The following LOXL3 variants were observed in gnomAD, a reference collection of about 807,000 sequenced individuals.
LOXL3 encodes lysyl oxidase like 3.
Under a neutral mutation model 91.8 loss-of-function variants are expected in LOXL3, and 60 were observed. The observed-to-expected ratio is 0.65, with a 90% CI of 0.53 to 0.81. The LOEUF (loss-of-function observed/expected upper bound fraction) is 0.81, where lower values mean the gene tolerates loss of function less well. Ranked by LOEUF, LOXL3 falls within the 30% of genes least tolerant of loss-of-function variation. The pLI is 0.00. For synonymous variants in LOXL3, 355 were observed against 387.6 expected, an observed-to-expected ratio of 0.92 and a Z score of 0.99; for missense variants, 874 against 1,000.4, an observed-to-expected ratio of 0.87 and a Z score of 1.70.
At chr2:74,553,672 C>T (rs1448855107) in intron 1 of LOXL3, among the ~76,000 whole-genome samples, 1 of 152,176 alleles carries the variant, frequency 6.6e-6, no homozygotes, top group Non-Finnish European at 1.5e-5. Flanking sequence ...GCGCTCCTGG[C>T]GGCCCTGTTC....
chr2:74,554,514 C>T, upstream of LOXL3: 1 of 568,696 alleles, frequency 1.8e-6, no homozygotes, highest in African/African-American at 1.9e-5. This position sits in a 1 kb window ranked among gnomAD's most constrained non-coding sequence, Gnocchi z 4.9. Flanking sequence ...CGAGGACTTT[C>T]GGTGGAGCCA....
chr2:74,542,656 C>T (rs1227774101), intron 4 of LOXL3, among the ~76,000 whole-genome samples: 1 of 148,710 alleles, frequency 6.7e-6, no homozygotes, highest in Admixed American at 6.7e-5. Context: ...GACAGAGTCT[C>T]GATCTGTCAC....
rs767164266 is a variant in LOXL3, at chr2:74,549,563, C to T, written c.498G>A (p.Val166=). The T allele has an allele frequency of 1.2e-6, 2 of 1,610,316 alleles. No homozygotes were observed. Among genetic ancestry groups the T allele is most frequent in the Non-Finnish European group, 1.7e-6 (2 of 1,177,404 alleles). The change falls in exon 4 of 14, where the codon GTG becomes GTA. Residue 166 remains valine, a synonymous_variant. Transcript: ENST00000264094. The surrounding 1 kb of genome is among the most constrained non-coding windows in gnomAD (Gnocchi z 5.3). Reference sequence around the variant, plus strand: ...CGGCGGGTCGAATTCGCACCTCCTCCACTTGCAGGTGATGCTCTACCTGGG... The same window carrying T: ...CGGCGGGTCGAATTCGCACCTCCTCTACTTGCAGGTGATGCTCTACCTGGG... ...NVIEVEHHLQ[V]EEVRIRPAVG...
chr2:74,541,830 A>T (rs1328579532), intron 4 of LOXL3, among the ~76,000 whole-genome samples: 1 of 150,422 alleles, frequency 6.6e-6, no homozygotes, highest in Non-Finnish European at 1.5e-5. Flanking sequence ...AAGAGTTTAG[A>T]CCCTTTTATC....
chr2:74,549,852 C>CA lies in LOXL3; in HGVS notation c.478-270dup. 1.0e-6 allele frequency: 1 copy of CA among 985,270 alleles called. No individual in the cohort carries two copies. The highest frequency in any genetic ancestry group is 1.2e-6 in the Non-Finnish European group (1 of 829,894). The allele number at this position is 985,270 out of a possible 1,614,324, so 61.0% of individuals were successfully genotyped here. On this transcript the variant is annotated intron_variant, in intron 3 of 13. Transcript: ENST00000264094. The surrounding 1 kb of genome is among the most constrained non-coding windows in gnomAD (Gnocchi z 5.3). ...GTGCCTGGAGCAGGAGGGAGCACTT[C>CA]AAAAAGGAAATGGCTTTGAAGGAGG...
In LOXL3 at chr2:74,550,365, G is replaced by A. The variant is rs1676926927; in HGVS notation, c.314-17C>T. On this transcript the variant is annotated splice_polypyrimidine_tract_variant and intron_variant, in intron 2 of 13. Coordinates refer to ENST00000264094, the MANE Select transcript of LOXL3 (RefSeq NM_032603.5). ...AGATGCGGCCTGTGGAAGGGGAGAT[G>A]AAGGGACAGAGAAGCTTGGGGAGGG... 1.2e-6 allele frequency: 2 copies of A among 1,610,734 alleles called. No individual in the cohort carries two copies. The highest frequency in any genetic ancestry group is 1.7e-6 in the Non-Finnish European group (2 of 1,178,112).
chr2:74,555,466 G>A (rs775222572), upstream of LOXL3: 90 of 1,607,686 alleles, frequency 5.6e-5, no homozygotes, highest in Non-Finnish European at 6.7e-5. The surrounding 1 kb of genome is among the most constrained non-coding windows in gnomAD (Gnocchi z 6.1). Context: ...GAGGAGCTGC[G>A]GCGATGCGGG....
rs201698335 is a variant in LOXL3, at chr2:74,543,556, T to C, written c.692+5813A>G. 1.2e-4 allele frequency among the ~76,000 whole-genome samples: 19 copies of C among 152,180 alleles called. No individual in the cohort carries two copies. The East Asian group carries it at 3.7e-3, about 29-fold the overall frequency. ...CTTCTAAATATCTCTCCAATCCATA[T>C]CTTTTGCTCCTCTCCTGATTATTCT... is the stretch of plus-strand genomic sequence containing the variant. On this transcript the variant is annotated intron_variant, in intron 4 of 13. Coordinates refer to ENST00000264094, the MANE Select transcript of LOXL3 (RefSeq NM_032603.5).
At position 74,549,316 on chromosome 2, in the gene LOXL3, T is replaced by C; in HGVS notation, c.692+53A>G. ...CTCAGATGTCTCCCAAGGCTATTCA[T>C]CAGGGAGCACCCCAATCCCGGCCTG... On this transcript the variant is annotated intron_variant, in intron 4 of 13. Coordinates refer to ENST00000264094, the MANE Select transcript of LOXL3 (RefSeq NM_032603.5). This position sits in a 1 kb window ranked among gnomAD's most constrained non-coding sequence, Gnocchi z 5.3. 3 of 1,505,934 alleles carry C rather than the reference T, an allele frequency of 2.0e-6. No homozygotes were observed. 93.3% of individuals were successfully genotyped at this position (1,505,934 alleles called of 1,614,324 possible).
At position 74,532,938 on chromosome 2, in the gene LOXL3, G is replaced by C; in HGVS notation, c.*668C>G. On this transcript the variant is annotated 3_prime_UTR_variant, in exon 14 of 14. Transcript: ENST00000264094. ...CCAGTTGGCAGTGCAGATCCGGCGG[G>C]GACGAGAAACACTGACCTTATATGT... 6.2e-7 allele frequency: 1 copy of C among 1,613,932 alleles called. No individual in the cohort carries two copies. Among genetic ancestry groups the C allele is most frequent in the South Asian group, 1.1e-5 (1 of 91,052 alleles).
chr2:74,541,081 C>G (rs991608500), intron 4 of LOXL3, among the ~76,000 whole-genome samples: 26 of 152,218 alleles, frequency 1.7e-4, no homozygotes, highest in Admixed American at 1.2e-3. Context: ...GATTCAACCT[C>G]CATCTGTACT....
At chr2:74,541,821 AG>A (rs1444573412) in intron 4 of LOXL3, among the ~76,000 whole-genome samples, 1 of 150,662 alleles carries the variant, frequency 6.6e-6, no homozygotes, top group African/African-American at 2.4e-5. Context: ...TTTATATAAA[AG>A]AGTTTAGACC....
intron 4 of LOXL3, 126 bp from the exon 5 acceptor site, chr2:74,537,054 C>G: frequency 1.4e-6 from 1 of 734,438 alleles, no homozygotes; most frequent in Non-Finnish European, 2.3e-6. Context: ...ATCTCCTCTT[C>G]TTCCCCCTTC....
chr2:74,543,876 G>A (rs1367640821), intron 4 of LOXL3, among the ~76,000 whole-genome samples: 1 of 145,470 alleles, frequency 6.9e-6, no homozygotes, highest in Admixed American at 6.9e-5. Context: ...ACTCCAGCCT[G>A]GGTGACAAAG....
In LOXL3 at chr2:74,533,431, T is replaced by C; in HGVS notation, c.*175A>G. 1 of 610,946 alleles carries C rather than the reference T, an allele frequency of 1.6e-6. No homozygotes were observed. The highest frequency in any genetic ancestry group is 2.9e-6 in the Non-Finnish European group (1 of 345,142). 37.8% of individuals were successfully genotyped at this position (610,946 alleles called of 1,614,324 possible). On this transcript the variant is annotated 3_prime_UTR_variant, in exon 14 of 14. Coordinates refer to ENST00000264094, the MANE Select transcript of LOXL3 (RefSeq NM_032603.5). ...GATTCCCATGCTTGGCTACAGATAC[T>C]GACAGCTGGCCTCTGAAGGAGGGTG...
chr2:74,549,307 G>A lies in LOXL3; in HGVS notation c.692+62C>T, dbSNP rs940397287. On this transcript the variant is annotated intron_variant, in intron 4 of 13. Coordinates refer to ENST00000264094, the MANE Select transcript of LOXL3 (RefSeq NM_032603.5). The surrounding 1 kb of genome is among the most constrained non-coding windows in gnomAD (Gnocchi z 5.3). ...CCGGACCTGCTCAGATGTCTCCCAA[G>A]GCTATTCATCAGGGAGCACCCCAAT... The A allele has an allele frequency of 6.7e-7, 1 of 1,490,142 alleles. No individual in the cohort carries two copies. Among genetic ancestry groups the A allele is most frequent in the Non-Finnish European group, 9.0e-7 (1 of 1,114,444 alleles). The allele number at this position is 1,490,142 out of a possible 1,614,324, so 92.3% of individuals were successfully genotyped here. A position where few individuals can be genotyped will look rare whatever the true frequency, so the allele number is the denominator to read the frequency against.
intron 4 of LOXL3, among the ~76,000 whole-genome samples, chr2:74,541,355 C>A (rs1422624746): frequency 6.6e-6 from 1 of 152,152 alleles, no homozygotes; most frequent in East Asian, 1.9e-4. Context: ...TGTGAAGACA[C>A]CTTGGGATTT....
At position 74,549,377 on chromosome 2, in the gene LOXL3, G is replaced by A. The variant is rs367759468; in HGVS notation, c.684C>T (p.Ala228=). ...GFPSEKRVNA[A]FYRLLAQRQQ... is the part of the protein sequence containing the mutation. ...CGCCCGCGGCCCCTCACCTGTAGAAGGCCGCGTTGACCCTCTTTTCGCTGG... is the reference window on the plus strand; with the variant it reads ...CGCCCGCGGCCCCTCACCTGTAGAAAGCCGCGTTGACCCTCTTTTCGCTGG... The change falls in exon 4 of 14, where the codon GCC becomes GCT. Residue 228 remains alanine, a synonymous_variant. Coordinates refer to ENST00000264094, the MANE Select transcript of LOXL3 (RefSeq NM_032603.5). This position sits in a 1 kb window ranked among gnomAD's most constrained non-coding sequence, Gnocchi z 5.3. The A allele has an allele frequency of 6.6e-5, 106 of 1,604,608 alleles. No homozygotes were observed. In the African/African-American group the frequency reaches 1.4e-3, roughly 20 times the overall value.
intron 4 of LOXL3, among the ~76,000 whole-genome samples, chr2:74,545,332 CACT>C (rs1234652791): frequency 6.6e-6 from 1 of 152,232 alleles, no homozygotes; most frequent in Non-Finnish European, 1.5e-5. Context: ...TCTCCTCATC[CACT>C]ACTATCAGGC....
Sources: allele counts gnomAD v4.1 joint callset (sites outside exome capture counted in the v4.1 genomes callset), GRCh38; gene constraint gnomAD v4.1.1; non-coding constraint Gnocchi (gnomAD v3.1); transcripts MANE v1.5; gene names NCBI Gene and HGNC (gene_info 2026-07-23, HGNC 2026-07-21).